The following CHODL variants were observed in gnomAD, a reference collection of about 807,000 sequenced individuals.
CHODL encodes chondrolectin, also known as transmembrane protein MT75.
Under a neutral mutation model 34.5 loss-of-function variants are expected in CHODL, and 29 were observed. The ratio of observed to expected loss-of-function variants is 0.84; its 90% CI spans 0.63 to 1.15. The LOEUF is 1.15. Ranked by LOEUF, CHODL falls within the 50% of genes most tolerant of loss-of-function variation. The pLI, the probability that CHODL is intolerant of heterozygous loss-of-function variation, is 0.00. For synonymous variants in CHODL, 125 were observed against 116.1 expected (o/e 1.08, Z -0.49); for missense variants, 332 against 332.5 (o/e 1.00, Z 0.01).
intron 2 of CHODL, among the ~76,000 whole-genome samples, chr21:18,064,788 T>C (rs2064711678): frequency 6.6e-6 from 1 of 152,152 alleles, no homozygotes; most frequent in Admixed American, 6.6e-5. Flanking sequence ...TATGTAAATA[T>C]ATGTATGTAT....
At chr21:18,095,430 A>C (rs1189613914) in intron 2 of CHODL, among the ~76,000 whole-genome samples, 1 of 152,176 alleles carries the variant, frequency 6.6e-6, no homozygotes, top group Non-Finnish European at 1.5e-5. Context: ...ATTCCCTGAC[A>C]GCTATAACCT....
rs1425035230 is a variant in CHODL at position 18,091,149 on chromosome 21, C to A, written c.-45+63178C>A. Among the ~76,000 whole-genome samples, 2 of 152,208 alleles carry A rather than the reference C, an allele frequency of 1.3e-5. 1 individual carries two copies. The highest frequency in any genetic ancestry group is 2.9e-5 in the Non-Finnish European group (2 of 68,040). On this transcript the variant is annotated intron_variant, in intron 2 of 6. Transcript: ENST00000400127. ...AGCCAGTCCCCACATACAGAGGGAACATTTGGACCAGCCCTAGCTAGAGGT... is the reference window on the plus strand; with the variant it reads ...AGCCAGTCCCCACATACAGAGGGAAAATTTGGACCAGCCCTAGCTAGAGGT...
chr21:18,106,501 C>CTA (rs2065274308), intron 2 of CHODL, among the ~76,000 whole-genome samples: 1 of 133,238 alleles, frequency 7.5e-6, no homozygotes, highest in African/African-American at 3.2e-5. Context: ...TTTTCTTTTT[C>CTA]TTTTTTTTTT....
At chr21:17,932,571 G>T (rs2063282816) in intron 1 of CHODL, among the ~76,000 whole-genome samples, 1 of 148,846 alleles carries the variant, frequency 6.7e-6, no homozygotes, top group African/African-American at 2.5e-5. Context: ...GTCCATCAAT[G>T]AATGATTGGA....
rs1450796930 is a variant in CHODL, at chr21:18,083,238, G to A, written c.-45+55267G>A. Among the ~76,000 whole-genome samples the A allele has an allele frequency of 4.6e-5, 7 of 152,256 alleles. No individual in the cohort carries two copies. In the East Asian group the frequency reaches 5.8e-4, roughly 13 times the overall value. ...CAAGCCTTGGCAGCTTCCATGTGGTGTTGGGCCTGTGGGTGCACAGAAGGC... is the reference window on the plus strand; with the variant it reads ...CAAGCCTTGGCAGCTTCCATGTGGTATTGGGCCTGTGGGTGCACAGAAGGC... On this transcript the variant is annotated intron_variant, in intron 2 of 6. Coordinates refer to the CHODL transcript ENST00000400127.
At chr21:17,923,462 G>GTTT (rs71318108) in intron 1 of CHODL, among the ~76,000 whole-genome samples, 3,139 of 130,606 alleles carry the variant, frequency 0.024, 169 homozygotes, top group African/African-American at 0.075. Context: ...TAATTCTTCA[G>GTTT]TTTTTTTTTT....
At chr21:17,934,841 A>G (rs2063306675) in intron 1 of CHODL, among the ~76,000 whole-genome samples, 1 of 152,126 alleles carries the variant, frequency 6.6e-6, no homozygotes, top group Admixed American at 6.5e-5. Flanking sequence ...GTTCAAAATA[A>G]TGTTGTGATA....
intron 2 of CHODL, among the ~76,000 whole-genome samples, chr21:18,069,767 A>T (rs898226981): frequency 6.6e-6 from 1 of 152,030 alleles, no homozygotes; most frequent in African/African-American, 2.4e-5. Flanking sequence ...GGCTTAGAAC[A>T]TACTTTTTAT....
chr21:18,012,420 C>G (rs1201135479), intron 1 of CHODL, among the ~76,000 whole-genome samples: 1 of 152,108 alleles, frequency 6.6e-6, no homozygotes, highest in African/African-American at 2.4e-5. Context: ...CAATGCATTC[C>G]TATGAGTCTG....
At chr21:18,252,602 G>A (rs80018888) in intron 1 of CHODL, among the ~76,000 whole-genome samples, 6,287 of 152,186 alleles carry the variant, frequency 0.041, 418 homozygotes, top group African/African-American at 0.14. Context: ...TAAGGTGGAA[G>A]TCAGTAATAA....
At chr21:18,062,962 G>A (rs1001736691) in intron 2 of CHODL, among the ~76,000 whole-genome samples, 3 of 152,076 alleles carry the variant, frequency 2.0e-5, no homozygotes, top group African/African-American at 7.2e-5. Context: ...TTTTAAAAAA[G>A]AATGCTATCC....
intron 1 of CHODL, among the ~76,000 whole-genome samples, chr21:18,252,011 G>A (rs1377542439): frequency 6.6e-6 from 1 of 151,780 alleles, no homozygotes; most frequent in Non-Finnish European, 1.5e-5. Context: ...TTAGCTCCTA[G>A]TGCACATCTA....
chr21:17,950,673 C>G (rs197585), intron 1 of CHODL, among the ~76,000 whole-genome samples: 63,700 of 151,966 alleles, frequency 0.42, 13,691 homozygotes, highest in East Asian at 0.64. Context: ...AGATTGCGGG[C>G]TGGGTAGGCA....
rs1425286790 is a variant in CHODL, at chr21:18,055,498, G to A, written c.-45+27527G>A. ...AAAAGATAGGTTGAACAGGGTTTGA[G>A]GTTCATAGTCTCATGCCTTTAGCTT... is the stretch of plus-strand genomic sequence containing the variant. On this transcript the variant is annotated intron_variant, in intron 2 of 6. Transcript: ENST00000400127. Among the ~76,000 whole-genome samples, 3 of 152,030 alleles carry A rather than the reference G, an allele frequency of 2.0e-5. No individual in the cohort carries two copies. The East Asian group carries it at 5.8e-4, about 29-fold the overall frequency.
chr21:18,133,196 GC>G (rs2072678570), intron 2 of CHODL, among the ~76,000 whole-genome samples: 1 of 152,186 alleles, frequency 6.6e-6, no homozygotes, highest in East Asian at 1.9e-4. Context: ...AAATATAAAA[GC>G]CCTTTGTGTG....
At chr21:18,246,461 T>C (rs1323003936) in intron 1 of CHODL, among the ~76,000 whole-genome samples, 1 of 152,152 alleles carries the variant, frequency 6.6e-6, no homozygotes, top group Non-Finnish European at 1.5e-5. Flanking sequence ...CCTTAGCAAT[T>C]TGTGATGTTC....
intron 2 of CHODL, among the ~76,000 whole-genome samples, chr21:18,157,240 G>T (rs2073045132): frequency 1.3e-5 from 2 of 152,092 alleles, no homozygotes; most frequent in Admixed American, 1.3e-4. Context: ...GGTATCTCTG[G>T]AAACACAATC....
chr21:18,176,275 T>G (rs1230603694), intron 2 of CHODL, among the ~76,000 whole-genome samples: 1 of 152,208 alleles, frequency 6.6e-6, no homozygotes, highest in Non-Finnish European at 1.5e-5. Context: ...TGAGGTCAGC[T>G]ACTCTAGGTC....
intron 1 of CHODL, among the ~76,000 whole-genome samples, chr21:17,980,601 ATGATGTTGCAT>A: frequency 6.6e-6 from 1 of 152,188 alleles, no homozygotes. Flanking sequence ...GAAGAGGAAA[ATGATGTTGCAT>A]TGAATTCCAC....
Sources: allele counts gnomAD v4.1 joint callset (sites outside exome capture counted in the v4.1 genomes callset), GRCh38; gene constraint gnomAD v4.1.1; transcripts MANE v1.5; gene names NCBI Gene and HGNC (gene_info 2026-07-23, HGNC 2026-07-21).